The following CEP85 variants were observed in gnomAD, a reference collection of about 807,000 sequenced individuals.
CEP85 encodes centrosomal protein of 85 kDa.
CEP85 carries 58 observed loss-of-function variants against 93.7 expected under a neutral mutation model. The ratio of observed to expected loss-of-function variants is 0.62; its 90% CI spans 0.50 to 0.77. CEP85 has a LOEUF of 0.77. CEP85 is among the 30% of genes least tolerant of loss of function. The pLI, the probability that CEP85 is intolerant of heterozygous loss-of-function variation, is 0.00. For synonymous variants in CEP85, 314 were observed against 338.6 expected, an observed-to-expected ratio of 0.93 and a Z score of 0.80; for missense variants, 868 against 922.0, an observed-to-expected ratio of 0.94 and a Z score of 0.76.
chr1:26,250,813 G>A (rs2089594865), intron 3 of CEP85, among the ~76,000 whole-genome samples: 2 of 151,776 alleles, frequency 1.3e-5, no homozygotes, highest in Non-Finnish European at 2.9e-5. Context: ...GTTCTGGAGA[G>A]TGAGAAGTCC....
chr1:26,251,636 A>C (rs755642793), intron 3 of CEP85, among the ~76,000 whole-genome samples: 25 of 152,246 alleles, frequency 1.6e-4, no homozygotes, highest in Non-Finnish European at 3.1e-4. Context: ...CTCATGACCC[A>C]GTCACCTCTT....
chr1:26,248,723 T>TA (rs1491540488), intron 3 of CEP85, among the ~76,000 whole-genome samples: 32 of 17,766 alleles, frequency 1.8e-3, no homozygotes, highest in African/African-American at 5.8e-3. Context: ...TCTTGAACTC[T>TA]TTTTTTTTTT....
intron 3 of CEP85, among the ~76,000 whole-genome samples, chr1:26,252,649 G>A (rs1333112299): frequency 1.3e-5 from 2 of 152,132 alleles, no homozygotes; most frequent in Non-Finnish European, 2.9e-5. Context: ...TCAGAAACTG[G>A]GTCCTTTAAC....
chr1:26,256,800 T>G (rs185133698), intron 4 of CEP85, among the ~76,000 whole-genome samples: 1 of 151,738 alleles, frequency 6.6e-6, no homozygotes, highest in South Asian at 2.1e-4. Context: ...GGTTTCACCA[T>G]GCTGGCCCGC....
At position 26,277,155 on chromosome 1, in the gene CEP85, G is replaced by A; in HGVS notation, c.2148G>A (p.Gln716=). Residue 716 remains glutamine, a synonymous_variant, in exon 14 of 14, where the codon CAG becomes CAA. Coordinates refer to ENST00000451429, the MANE Select transcript of CEP85 (RefSeq NM_001319944.2). ...CAGCAGCACAGCACCCAGAGACTCA[G>A]CTAGATTTGCAGAAGCCAGATGTGA... The part of the protein sequence containing the change: ...LGIHSQHPET[Q]LDLQKPDVIK... 6.2e-7 allele frequency: 1 copy of A among 1,613,856 alleles called. No individual in the cohort carries two copies. Among genetic ancestry groups the A allele is most frequent in the East Asian group, 2.2e-5 (1 of 44,878 alleles).
At chr1:26,271,234 CT>C in intron 10 of CEP85, 127 bp downstream of exon 10, 3 of 590,590 alleles carry the variant, frequency 5.1e-6, no homozygotes, top group Non-Finnish European at 6.0e-6. Flanking sequence ...GCTTTTCTTT[CT>C]TTTCGGAGAA....
At chr1:26,267,548 G>A (rs2089910747) in intron 7 of CEP85, among the ~76,000 whole-genome samples, 1 of 152,168 alleles carries the variant, frequency 6.6e-6, no homozygotes, top group Non-Finnish European at 1.5e-5. Flanking sequence ...TGGGCAACAA[G>A]AGCGAAACTG....
intron 11 of CEP85, among the ~76,000 whole-genome samples, chr1:26,274,361 C>G (rs942183006): frequency 6.6e-6 from 1 of 152,122 alleles, no homozygotes; most frequent in African/African-American, 2.4e-5. Flanking sequence ...AGTAAGTGCT[C>G]GGTAAATAGT....
Position 26,277,197 on chromosome 1 carries a change from A to G in CEP85, c.2190A>G (p.Glu730=), listed in dbSNP as rs2090066396. The G allele has an allele frequency of 6.2e-7, 1 of 1,614,182 alleles. No individual in the cohort carries two copies. The highest frequency in any genetic ancestry group is 2.2e-5 in the East Asian group (1 of 44,888). ...QKPDVIKRKL[E]EVQQLRRDIE... ...CAGATGTGATCAAGAGGAAACTAGA[A>G]GAGGTTCAACAGCTGCGTCGTGACA... The change falls in exon 14 of 14, where the codon GAA becomes GAG. Residue 730 remains glutamate (E), a synonymous_variant. Coordinates refer to ENST00000451429, the MANE Select transcript of CEP85 (RefSeq NM_001319944.2).
chr1:26,277,234 A>C lies in CEP85; in HGVS notation c.2227A>C (p.Arg743=). ...QQLRRDIEDL[R]TTMSDRYAQD... ...GCTGCGTCGTGACATTGAGGACTTA[A>C]GGACCACCATGTCAGACAGATATGC... Residue 743 remains arginine, a synonymous_variant, in exon 14 of 14, where the codon AGG becomes CGG. Coordinates refer to ENST00000451429, the MANE Select transcript of CEP85 (RefSeq NM_001319944.2). 6.2e-7 allele frequency: 1 copy of C among 1,614,218 alleles called. No individual in the cohort carries two copies. The highest frequency in any genetic ancestry group is 8.5e-7 in the Non-Finnish European group (1 of 1,180,008).
rs1391830009 is a variant in CEP85 at position 26,277,342 on chromosome 1, A to G, written c.*49A>G. 4 of 1,558,966 alleles carry G rather than the reference A, an allele frequency of 2.6e-6. No individual in the cohort carries two copies. Among genetic ancestry groups the G allele is most frequent in the South Asian group, 2.2e-5 (2 of 88,942 alleles). On this transcript the variant is annotated 3_prime_UTR_variant, in exon 14 of 14. Coordinates refer to ENST00000451429, the MANE Select transcript of CEP85 (RefSeq NM_001319944.2). The stretch of plus-strand genomic sequence containing the variant: ...GGAGGAGCTGGGCTGCTGAGAGCCT[A>G]GTCCAGCAGGTTTCTGCCCTGACAT...
chr1:26,239,987 CA>C, intron 2 of CEP85, 149 bp downstream of exon 2: 1 of 656,444 alleles, frequency 1.5e-6, no homozygotes, highest in Non-Finnish European at 2.7e-6. Flanking sequence ...AATATAAAAA[CA>C]GGTCTCTGAG....
intron 7 of CEP85, among the ~76,000 whole-genome samples, chr1:26,266,178 C>T (rs1329445960): frequency 1.3e-5 from 2 of 151,756 alleles, no homozygotes; most frequent in Non-Finnish European, 2.9e-5. Flanking sequence ...CACTGCACTC[C>T]AGCCTGGGCA....
At chr1:26,250,933 T>TTTTTC (rs1486247097) in intron 3 of CEP85, among the ~76,000 whole-genome samples, 1 of 2,980 alleles carries the variant, frequency 3.4e-4, no homozygotes, top group Admixed American at 3.5e-3. Context: ...TTCTTTTTTC[T>TTTTTC]TTTTTTTTTT....
At chr1:26,270,874 T>C in intron 9 of CEP85, 140 bp from the exon 10 acceptor site, 1 of 592,580 alleles carries the variant, frequency 1.7e-6, no homozygotes, top group South Asian at 2.1e-5. Flanking sequence ...ACCCCATATA[T>C]TACAGCAGAC....
intron 7 of CEP85, among the ~76,000 whole-genome samples, chr1:26,262,701 C>T (rs1014317576): frequency 6.6e-6 from 1 of 152,162 alleles, no homozygotes; most frequent in African/African-American, 2.4e-5. Context: ...TCAAACGGCA[C>T]CTGCAACACA....
rs763290721 is a variant in CEP85 at position 26,258,256 on chromosome 1, T to C, written c.1151T>C (p.Leu384Pro). ...TTTGGTGATGTCTGCTTGCTGAGGC[T>C]ACAGGTAAGTATTGGCCATCAGGAT... is the stretch of plus-strand genomic sequence containing the variant. Reference protein sequence around the residue: ...APFGDVCLLRLQELQRENTFL... With the variant: ...APFGDVCLLRPQELQRENTFL... The change falls in exon 6 of 14, where the codon CTA (leucine) becomes CCA (proline). Residue 384 changes from leucine (L) to proline (P), a missense_variant. Leu to Pro is a moderately conservative substitution (Grantham distance 98). Transcript: ENST00000451429. The C allele has an allele frequency of 1.2e-6, 2 of 1,605,768 alleles. No individual in the cohort carries two copies. The highest frequency in any genetic ancestry group is 2.2e-5 in the East Asian group (1 of 44,830).
intron 3 of CEP85, among the ~76,000 whole-genome samples, chr1:26,249,524 T>C (rs2089571030): frequency 6.6e-6 from 1 of 152,256 alleles, no homozygotes; most frequent in African/African-American, 2.4e-5. Flanking sequence ...CCTTCTTCAC[T>C]AAGGTGTTTT....
At chr1:26,269,413 T>G in intron 8 of CEP85, 47 bp from the exon 9 acceptor site, 1 of 1,591,312 alleles carries the variant, frequency 6.3e-7, no homozygotes, top group Non-Finnish European at 8.6e-7. Context: ...ATTTTGCATT[T>G]ATAACACTTG....
Sources: gnomAD v4.1 joint callset for allele counts (sites outside exome capture counted in the v4.1 genomes callset) on GRCh38, gnomAD v4.1.1 for gene constraint, MANE v1.5 for transcripts, NCBI Gene and HGNC (gene_info 2026-07-23, HGNC 2026-07-21) for gene names.